MCM9: variants seen among roughly 807,000 people sequenced by gnomAD.
The protein encoded by MCM9 is minichromosome maintenance 9 homologous recombination repair factor, also known as DNA helicase MCM9.
MCM9 carries 55 observed loss-of-function variants against 72.8 expected under a neutral mutation model. The observed-to-expected ratio is 0.76, with a 90% CI of 0.61 to 0.95. MCM9 has a LOEUF of 0.95. Ranked by LOEUF, MCM9 falls within the 40% of genes least tolerant of loss-of-function variation. The pLI is 0.00. For synonymous variants in MCM9, 480 were observed against 503.4 expected (o/e 0.95, Z 0.62); for missense variants, 1,279 against 1,377.0 (o/e 0.93, Z 1.13).
At chr6:118,844,494 T>G (rs1038051640) in intron 9 of MCM9, among the ~76,000 whole-genome samples, 3 of 151,698 alleles carry the variant, frequency 2.0e-5, no homozygotes, top group Non-Finnish European at 4.4e-5. Flanking sequence ...CATGTACTAT[T>G]CTTGTACCTT....
At chr6:118,890,856 T>C (rs915586932) in intron 8 of MCM9, among the ~76,000 whole-genome samples, 1 of 152,198 alleles carries the variant, frequency 6.6e-6, no homozygotes, top group Non-Finnish European at 1.5e-5. Flanking sequence ...TTTTTTAAGT[T>C]GGTAATAATA....
At chr6:118,854,104 A>G (rs1228571399) in intron 9 of MCM9, among the ~76,000 whole-genome samples, 1 of 152,208 alleles carries the variant, frequency 6.6e-6, no homozygotes, top group Admixed American at 6.5e-5. Context: ...ATTCACTTAT[A>G]AGTTCTAGTA....
chr6:118,884,997 C>T (rs558994914), intron 8 of MCM9, among the ~76,000 whole-genome samples: 2 of 152,178 alleles, frequency 1.3e-5, no homozygotes, highest in Non-Finnish European at 2.9e-5. Flanking sequence ...GAGATCGAGA[C>T]CATCCTGGCT....
intron 3 of MCM9, among the ~76,000 whole-genome samples, chr6:118,930,204 G>A (rs1244710769): frequency 6.6e-6 from 1 of 152,116 alleles, no homozygotes; most frequent in South Asian, 2.1e-4. Context: ...TCCGCCTCCT[G>A]GGTTCACACC....
intron 9 of MCM9, among the ~76,000 whole-genome samples, chr6:118,846,412 C>T (rs550936772): frequency 1.8e-4 from 28 of 151,880 alleles, no homozygotes; most frequent in African/African-American, 6.8e-4. Flanking sequence ...TAATGGGGGC[C>T]TCATGCTGGA....
At chr6:118,909,412 C>CT (rs1398163664) in intron 8 of MCM9, among the ~76,000 whole-genome samples, 1 of 152,114 alleles carries the variant, frequency 6.6e-6, no homozygotes, top group Non-Finnish European at 1.5e-5. Flanking sequence ...TTTTATCACT[C>CT]TAAGAATTTT....
At chr6:118,916,727 C>T (rs542923454) in intron 6 of MCM9, among the ~76,000 whole-genome samples, 1 of 152,112 alleles carries the variant, frequency 6.6e-6, no homozygotes, top group South Asian at 2.1e-4. Flanking sequence ...GTTTCAAACT[C>T]CTGACCTCAA....
At chr6:118,834,219 C>T (rs1037945309) in intron 9 of MCM9, among the ~76,000 whole-genome samples, 2 of 152,288 alleles carry the variant, frequency 1.3e-5, no homozygotes, top group East Asian at 1.9e-4. Flanking sequence ...CATAGTATTC[C>T]GTGGTATATA....
At chr6:118,905,796 GA>G in intron 8 of MCM9, 1 of 1,608,470 alleles carries the variant, frequency 6.2e-7, no homozygotes. Flanking sequence ...AGAATTAAGG[GA>G]AAATCCACCA....
chr6:118,906,469 T>G (rs141909557), intron 8 of MCM9, among the ~76,000 whole-genome samples: 53 of 152,334 alleles, frequency 3.5e-4, no homozygotes, highest in Admixed American at 3.1e-3. Context: ...TTTCAACCTT[T>G]AGGACAAACA....
At chr6:118,843,692 A>ATATATATATGTG (rs1775638604) in intron 9 of MCM9, among the ~76,000 whole-genome samples, 1 of 63,792 alleles carries the variant, frequency 1.6e-5, no homozygotes, top group African/African-American at 6.7e-5. Flanking sequence ...ATATGTGTAT[A>ATATATATATGTG]TATATATATA....
At chr6:118,835,373 CTAAT>C (rs1399323495) in intron 9 of MCM9, among the ~76,000 whole-genome samples, 1 of 152,066 alleles carries the variant, frequency 6.6e-6, no homozygotes, top group African/African-American at 2.4e-5. Flanking sequence ...ATAGTTTTTT[CTAAT>C]TCTGTGAAGA....
Position 118,829,034 on chromosome 6 carries a change from T to C in MCM9, c.1528+14A>G, listed in dbSNP as rs1315148402. Reference sequence around the variant, plus strand: ...CTCTCTGTTATTTTGAATGCTTTGTTTGTCTTCACGTACCTTTATTTTCTA... The same window carrying C: ...CTCTCTGTTATTTTGAATGCTTTGTCTGTCTTCACGTACCTTTATTTTCTA... On this transcript the variant is annotated intron_variant, in intron 10 of 13. Coordinates refer to ENST00000619706, the MANE Select transcript of MCM9 (RefSeq NM_017696.3). 58 of 1,549,030 alleles carry C rather than the reference T, an allele frequency of 3.7e-5. No homozygotes were observed. Among genetic ancestry groups the C allele is most frequent in the East Asian group, 9.8e-5 (4 of 40,928 alleles).
At chr6:118,897,393 G>A (rs1242062993) in intron 8 of MCM9, among the ~76,000 whole-genome samples, 1 of 152,036 alleles carries the variant, frequency 6.6e-6, no homozygotes, top group Non-Finnish European at 1.5e-5. Flanking sequence ...GTGCTTGATG[G>A]TCACCAAGAC....
intron 8 of MCM9, among the ~76,000 whole-genome samples, chr6:118,891,404 A>G (rs372851482): frequency 1.3e-5 from 2 of 152,356 alleles, no homozygotes; most frequent in South Asian, 2.1e-4. Flanking sequence ...CCATAACAAA[A>G]TATCACTCAC....
chr6:118,916,383 AAG>A (rs1487053088), intron 6 of MCM9, among the ~76,000 whole-genome samples: 5 of 149,742 alleles, frequency 3.3e-5, no homozygotes, highest in East Asian at 1.9e-4. Context: ...AAAAAGAAAA[AAG>A]AAAAAATCCC....
intron 8 of MCM9, among the ~76,000 whole-genome samples, chr6:118,867,712 T>C (rs1255671289): frequency 6.6e-6 from 1 of 152,172 alleles, no homozygotes; most frequent in Non-Finnish European, 1.5e-5. Context: ...TCTAGGGTTG[T>C]GTAAATACAC....
chr6:118,907,551 G>T, intron 8 of MCM9: 1 of 1,613,690 alleles, frequency 6.2e-7, no homozygotes, highest in South Asian at 1.1e-5. Context: ...CAGCATCAAA[G>T]GGATGGTCCA....
chr6:118,824,806 T>C (rs1774056785), intron 13 of MCM9, among the ~76,000 whole-genome samples: 1 of 152,212 alleles, frequency 6.6e-6, no homozygotes, highest in Non-Finnish European at 1.5e-5. Flanking sequence ...TAGCATTAGA[T>C]TGTGCCTTGG....
Sources: allele counts gnomAD v4.1 joint callset (sites outside exome capture counted in the v4.1 genomes callset), GRCh38; gene constraint gnomAD v4.1.1; transcripts MANE v1.5; gene names NCBI Gene and HGNC (gene_info 2026-07-23, HGNC 2026-07-21).